FHIP1A: variants seen among roughly 807,000 people sequenced by gnomAD.
The protein encoded by FHIP1A is FHF complex subunit HOOK-interacting protein 1A.
In FHIP1A, 61 loss-of-function variants were observed where a neutral mutation model predicts 88.6. That is an observed-to-expected ratio of 0.69 (90% CI 0.56 to 0.85). The LOEUF (loss-of-function observed/expected upper bound fraction) is 0.85. FHIP1A is among the 40% of genes least tolerant of loss of function. FHIP1A has a pLI of 0.00. For missense variants in FHIP1A, 1,154 were observed against 1,273.5 expected, an observed-to-expected ratio of 0.91 and a Z score of 1.43; for synonymous variants, 478 against 496.0, an observed-to-expected ratio of 0.96 and a Z score of 0.48.
chr4:151,643,466 A>G lies in FHIP1A; in HGVS notation c.1227-3092A>G, dbSNP rs116238505. 9.6e-3 allele frequency among the ~76,000 whole-genome samples: 1,465 copies of G among 152,326 alleles called. 19 individuals are homozygous for G. The highest frequency in any genetic ancestry group is 0.033 in the African/African-American group (1,372 of 41,586). On this transcript the variant is annotated intron_variant, in intron 9 of 13. Transcript: ENST00000435205. ...ATCATTTCTTTGTGTTGGAAACATT[A>G]CAATTATTTTCTTCTAGCTATTTTG...
intron 7 of FHIP1A, among the ~76,000 whole-genome samples, chr4:151,598,241 G>C (rs556488098): frequency 6.6e-6 from 1 of 152,146 alleles, no homozygotes; most frequent in Middle Eastern, 3.2e-3. Context: ...GGAATGCACT[G>C]TTCCTCACGG....
At chr4:151,580,165 T>C (rs1029252742) in intron 5 of FHIP1A, among the ~76,000 whole-genome samples, 1 of 152,218 alleles carries the variant, frequency 6.6e-6, no homozygotes, top group Non-Finnish European at 1.5e-5. Flanking sequence ...TCCGTTAATA[T>C]AGTAACAACC....
At position 151,578,602 on chromosome 4, in the gene FHIP1A, G is replaced by C. The variant is rs563917016; in HGVS notation, c.732+526G>C. Among the ~76,000 whole-genome samples, 3 of 152,278 alleles carry C rather than the reference G, an allele frequency of 2.0e-5. No homozygotes were observed. The South Asian group carries it at 6.2e-4, about 32-fold the overall frequency. On this transcript the variant is annotated intron_variant, in intron 5 of 13. Transcript: ENST00000435205. ...AGGGGCCACGCTGACAACAACAAAT[G>C]CTGGCAAGATGTGGAGGAGTAGAAA... is the stretch of plus-strand genomic sequence containing the variant.
At chr4:151,454,430 A>G (rs35807096) in intron 1 of FHIP1A, among the ~76,000 whole-genome samples, 74 of 152,184 alleles carry the variant, frequency 4.9e-4, no homozygotes, top group Non-Finnish European at 6.8e-4. Context: ...TTTCCACTAC[A>G]GAGACTCTGA....
chr4:151,609,786 A>G (rs1045357771), intron 7 of FHIP1A, among the ~76,000 whole-genome samples: 4 of 152,216 alleles, frequency 2.6e-5, no homozygotes, highest in Non-Finnish European at 5.9e-5. Context: ...CAAGTAGTGA[A>G]CTAATTGGCC....
chr4:151,435,574 C>A (rs924787758), intron 1 of FHIP1A, among the ~76,000 whole-genome samples: 1 of 152,096 alleles, frequency 6.6e-6, no homozygotes, highest in Admixed American at 6.5e-5. Context: ...CACCTGAGGT[C>A]AGGAGTTCAG....
intron 7 of FHIP1A, among the ~76,000 whole-genome samples, chr4:151,601,895 G>C (rs574248334): frequency 6.6e-6 from 1 of 151,944 alleles, no homozygotes; most frequent in African/African-American, 2.4e-5. Context: ...TTACATGGGT[G>C]GGGAGGCCTC....
chr4:151,503,582 CA>C (rs1730724716), intron 3 of FHIP1A, among the ~76,000 whole-genome samples: 1 of 151,136 alleles, frequency 6.6e-6, no homozygotes, highest in Non-Finnish European at 1.5e-5. Flanking sequence ...AAGTAGGGAA[CA>C]GGGGGAAAGG....
At chr4:151,428,431 C>T (rs1027885970) in intron 1 of FHIP1A, among the ~76,000 whole-genome samples, 4 of 152,192 alleles carry the variant, frequency 2.6e-5, no homozygotes, top group Middle Eastern at 3.4e-3. Context: ...CAAATTCATT[C>T]ATTTCTCTCC....
At chr4:151,635,280 G>A (rs752012540) in intron 8 of FHIP1A, among the ~76,000 whole-genome samples, 3 of 151,900 alleles carry the variant, frequency 2.0e-5, no homozygotes, top group Non-Finnish European at 2.9e-5. Flanking sequence ...TTATGGGAAT[G>A]TAAAGTGGTG....
At chr4:151,509,264 G>A (rs192250542) in intron 3 of FHIP1A, among the ~76,000 whole-genome samples, 1 of 152,092 alleles carries the variant, frequency 6.6e-6, no homozygotes, top group African/African-American at 2.4e-5. Context: ...CTGGGTTCAC[G>A]CCATTCTCCT....
chr4:151,431,071 C>G (rs2724568), intron 1 of FHIP1A, among the ~76,000 whole-genome samples: 79,185 of 151,986 alleles, frequency 0.52, 20,932 homozygotes, highest in African/African-American at 0.55. Context: ...GTGAGAGAAC[C>G]ATCTTTTGAA....
intron 3 of FHIP1A, among the ~76,000 whole-genome samples, chr4:151,505,187 T>A (rs1730789757): frequency 6.6e-6 from 1 of 152,170 alleles, no homozygotes; most frequent in African/African-American, 2.4e-5. Context: ...TTCTTACTTG[T>A]CTAATGAGAT....
At chr4:151,532,656 C>G (rs565836357) in intron 3 of FHIP1A, among the ~76,000 whole-genome samples, 13 of 152,156 alleles carry the variant, frequency 8.5e-5, no homozygotes, top group African/African-American at 2.9e-4. Context: ...AGGGAGAGGA[C>G]AGACATTTCC....
At chr4:151,424,012 A>G (rs981182632) in intron 1 of FHIP1A, among the ~76,000 whole-genome samples, 3 of 152,190 alleles carry the variant, frequency 2.0e-5, no homozygotes, top group African/African-American at 7.2e-5. Flanking sequence ...GAAGTGAGGT[A>G]GTTCTCAGGG....
chr4:151,664,649 G>T lies in FHIP1A; in HGVS notation c.*1895G>T, dbSNP rs2126937638. On this transcript the variant is annotated 3_prime_UTR_variant, in exon 14 of 14. Transcript: ENST00000435205. ...CCACAACTCTCCATTAGAAAAGAAG[G>T]TAGCTTAAGATAGAGAAAGAGGAAC... Among the ~76,000 whole-genome samples the T allele has an allele frequency of 6.6e-6, 1 of 152,344 alleles. No homozygotes were observed.
At chr4:151,527,552 C>CGAGAGA (rs1190794805) in intron 3 of FHIP1A, among the ~76,000 whole-genome samples, 1 of 151,418 alleles carries the variant, frequency 6.6e-6, no homozygotes, top group East Asian at 1.9e-4. Context: ...AGAGCGAGAG[C>CGAGAGA]GAGAGAGAGA....
At chr4:151,578,098 G>A (rs1242323396) in intron 5 of FHIP1A, 22 bp downstream of exon 5, 23 of 1,537,004 alleles carry the variant, frequency 1.5e-5, no homozygotes, top group Non-Finnish European at 2.0e-5. Flanking sequence ...TCCTTGGCAT[G>A]TTTTCCACTC....
chr4:151,568,789 T>C (rs147828424), intron 4 of FHIP1A, among the ~76,000 whole-genome samples: 52 of 152,214 alleles, frequency 3.4e-4, no homozygotes, highest in South Asian at 2.7e-3. Context: ...ACGTTGGCTA[T>C]GGAAAAGGAA....
Sources: allele counts gnomAD v4.1 joint callset (sites outside exome capture counted in the v4.1 genomes callset), GRCh38; gene constraint gnomAD v4.1.1; transcripts MANE v1.5; gene names NCBI Gene and HGNC (gene_info 2026-07-23, HGNC 2026-07-21).